ABI2: variants seen among roughly 807,000 people sequenced by gnomAD.
ABI2 encodes abl interactor 2, also known as abelson interactor 2.
Under a neutral mutation model 59.2 loss-of-function variants are expected in ABI2, and 25 were observed. The observed-to-expected ratio is 0.42, with a 90% confidence interval of 0.31 to 0.59. The LOEUF is 0.59. Ranked by LOEUF, ABI2 falls within the 20% of genes least tolerant of loss-of-function variation. The pLI is 0.14. For missense variants in ABI2, 545 were observed against 681.8 expected, an observed-to-expected ratio of 0.80 and a Z score of 2.23; for synonymous variants, 213 against 235.5, an observed-to-expected ratio of 0.90 and a Z score of 0.87.
intron 11 of ABI2, among the ~76,000 whole-genome samples, chr2:203,423,248 TAATATAG>T (rs1218662440): frequency 1.3e-5 from 2 of 152,312 alleles, no homozygotes; most frequent in East Asian, 3.9e-4. Context: ...TGTAACTGAA[TAATATAG>T]AATATAGATG....
At chr2:203,380,474 T>A in intron 3 of ABI2, 90 bp downstream of exon 3, 1 of 839,478 alleles carries the variant, frequency 1.2e-6, no homozygotes. Flanking sequence ...TGTCTTTCTT[T>A]CCTAGAGGAC....
At chr2:203,358,418 G>T (rs1463072548) in intron 1 of ABI2, among the ~76,000 whole-genome samples, 1 of 152,090 alleles carries the variant, frequency 6.6e-6, no homozygotes, top group Admixed American at 6.5e-5. Flanking sequence ...AAAGTGCCAG[G>T]ATTACAGGTG....
intron 1 of ABI2, among the ~76,000 whole-genome samples, chr2:203,342,492 C>A (rs2080543909): frequency 6.6e-6 from 1 of 152,072 alleles, no homozygotes. Context: ...ATATGTAGTA[C>A]CACAAGTTTT....
chr2:203,381,241 G>C (rs917734440), intron 3 of ABI2, among the ~76,000 whole-genome samples: 1 of 152,126 alleles, frequency 6.6e-6, no homozygotes, highest in African/African-American at 2.4e-5. Context: ...TTTGTCTTCA[G>C]GGTTTTGATG....
At chr2:203,332,888 A>G (rs192791418) in intron 1 of ABI2, among the ~76,000 whole-genome samples, 1 of 152,220 alleles carries the variant, frequency 6.6e-6, no homozygotes, top group Non-Finnish European at 1.5e-5. Flanking sequence ...ACATAGATGC[A>G]TAGTAAAATC....
At chr2:203,363,012 G>C (rs569919449) in intron 1 of ABI2, among the ~76,000 whole-genome samples, 3 of 151,914 alleles carry the variant, frequency 2.0e-5, no homozygotes, top group Admixed American at 6.6e-5. Flanking sequence ...CGTATTTTTA[G>C]TAGAGACAGG....
In ABI2 at chr2:203,429,722, A is replaced by G. The variant is rs961708224; in HGVS notation, c.*2370A>G. ...CAGTGAGCCGAGATTGTGCCACTGC[A>G]CTCCAGCCTGGTGACAGAGCGAGAC... is the stretch of plus-strand genomic sequence containing the variant. On this transcript the variant is annotated 3_prime_UTR_variant, in exon 12 of 12. Transcript: ENST00000261018. The G allele has an allele frequency of 6.1e-5, 9 of 147,304 alleles. No homozygotes were observed. The highest frequency in any genetic ancestry group is 4.2e-4 in the Admixed American group (6 of 14,400). 9.1% of individuals were successfully genotyped at this position (147,304 alleles called of 1,614,324 possible).
At chr2:203,336,640 A>G (rs1244910128) in intron 1 of ABI2, among the ~76,000 whole-genome samples, 1 of 152,130 alleles carries the variant, frequency 6.6e-6, no homozygotes, top group African/African-American at 2.4e-5. Context: ...ACAGAGTGTC[A>G]TATCTATGTT....
chr2:203,426,277 A>G (rs559919917), intron 11 of ABI2, among the ~76,000 whole-genome samples: 73 of 152,322 alleles, frequency 4.8e-4, no homozygotes, highest in African/African-American at 1.5e-3. Flanking sequence ...GTGGTATAAA[A>G]TAGGTACAGA....
rs2069951575 is a variant in ABI2, at chr2:203,328,430, C to CTGGG, written c.-84_-83insGGGT. On this transcript the variant is annotated 5_prime_UTR_variant, in exon 1 of 12. Coordinates refer to ENST00000261018, the MANE Select transcript of ABI2 (RefSeq NM_001375670.1). ...ACCGCCGCCGTCGCCGCCGCTCCTC[C>CTGGG]TCTCCCGGTCCTGGGTTTCCTTGGC... The CTGGG allele has an allele frequency of 8.7e-7, 1 of 1,151,606 alleles. No homozygotes were observed. The highest frequency in any genetic ancestry group is 1.3e-6 in the Non-Finnish European group (1 of 799,916). The allele number at this position is 1,151,606 out of a possible 1,614,324, so 71.3% of individuals were successfully genotyped here. A position where few individuals can be genotyped will look rare whatever the true frequency, so the allele number is the denominator to read the frequency against.
rs1219974009 is a variant in ABI2 at position 203,396,914 on chromosome 2, C to G, written c.980C>G (p.Ala327Gly). 2 of 1,526,778 alleles carry G rather than the reference C, an allele frequency of 1.3e-6. No individual in the cohort carries two copies. Among genetic ancestry groups the G allele is most frequent in the East Asian group, 5.0e-5 (2 of 39,738 alleles). The allele number at this position is 1,526,778 out of a possible 1,614,324, so 94.6% of individuals were successfully genotyped here. A position where few individuals can be genotyped will look rare whatever the true frequency, so the allele number is the denominator to read the frequency against. Residue 327 changes from alanine to glycine, a missense_variant, in exon 8 of 12, where the codon GCT becomes GGT. Physicochemically the swap from Ala to Gly is moderately conservative, Grantham distance 60. This residue lies in a region of ABI2 where 410 missense variants were observed against 435.6 expected (regional missense o/e 0.94). Transcript: ENST00000261018. ...GCTGCTGGGGGTGCCCAGACCCTTG[C>G]TGATGGCTTCACTTCTCCAACTCCC... is the stretch of plus-strand genomic sequence containing the variant. ...DAAAGGAQTLADGFTSPTPPV... is the reference protein window; with the variant it reads ...DAAAGGAQTLGDGFTSPTPPV...
Position 203,402,584 on chromosome 2 carries a change from G to A in ABI2, c.1042G>A (p.Val348Ile), listed in dbSNP as rs1421140138. 1.3e-6 allele frequency: 2 copies of A among 1,552,066 alleles called. No individual in the cohort carries two copies. The highest frequency in any genetic ancestry group is 1.3e-5 in the South Asian group (1 of 79,428). Residue 348 changes from valine (V) to isoleucine (I), a missense_variant, in exon 9 of 12, where the codon GTA (valine) becomes ATA (isoleucine). By Grantham distance (29) the Val-to-Ile change is conservative (BLOSUM62 3). Coordinates refer to ENST00000261018, the MANE Select transcript of ABI2 (RefSeq NM_001375670.1). ...TTCTATCTCTTTTTCAGGTCATCCT[G>A]TACAGTTCTACAGCATGAATAGGCC... Reference protein sequence around the residue: ...VSSTPPTGHPVQFYSMNRPAS... With the variant: ...VSSTPPTGHPIQFYSMNRPAS...
intron 9 of ABI2, among the ~76,000 whole-genome samples, chr2:203,410,212 T>C (rs1327777757): frequency 1.3e-5 from 2 of 152,178 alleles, no homozygotes; most frequent in African/African-American, 4.8e-5. Flanking sequence ...GCTACAAATA[T>C]TGTTGGGTTA....
intron 1 of ABI2, among the ~76,000 whole-genome samples, chr2:203,357,782 T>C (rs1373378324): frequency 8.5e-6 from 1 of 117,908 alleles, no homozygotes; most frequent in Non-Finnish European, 1.9e-5. Flanking sequence ...TTTGTTTGTT[T>C]GTTTGAGACA....
At chr2:203,331,102 C>T (rs2073021518) in intron 1 of ABI2, among the ~76,000 whole-genome samples, 1 of 151,998 alleles carries the variant, frequency 6.6e-6, no homozygotes, top group South Asian at 2.1e-4. Context: ...ATATTTTACA[C>T]TTTCTCTTTT....
At chr2:203,334,863 A>ACG (rs2075729863) in intron 1 of ABI2, among the ~76,000 whole-genome samples, 1 of 151,768 alleles carries the variant, frequency 6.6e-6, no homozygotes, top group Non-Finnish European at 1.5e-5. Flanking sequence ...GTTTCACCGT[A>ACG]TTGGCCAGGC....
Position 203,430,083 on chromosome 2 carries a change from TA to T in ABI2, c.*2732del, listed in dbSNP as rs1238986115. 2 of 152,238 alleles carry T rather than the reference TA, an allele frequency of 1.3e-5. No individual in the cohort carries two copies. The highest frequency in any genetic ancestry group is 2.9e-5 in the Non-Finnish European group (2 of 68,044). 9.4% of individuals were successfully genotyped at this position (152,238 alleles called of 1,614,324 possible). ...AATTCTATAGATTGTCTTGGAAGGA[TA>T]CTGTGTGATGGGTCAGGCACACAGT... On this transcript the variant is annotated 3_prime_UTR_variant, in exon 12 of 12. Coordinates refer to ENST00000261018, the MANE Select transcript of ABI2 (RefSeq NM_001375670.1).
intron 1 of ABI2, among the ~76,000 whole-genome samples, chr2:203,333,871 G>A (rs1221511520): frequency 6.6e-5 from 10 of 151,558 alleles, no homozygotes; most frequent in African/African-American, 2.4e-4. Context: ...GAGCTTCCTG[G>A]TTCAAAATTG....
chr2:203,356,650 G>A (rs772390993), intron 1 of ABI2, among the ~76,000 whole-genome samples: 16 of 152,030 alleles, frequency 1.1e-4, no homozygotes, highest in African/African-American at 1.9e-4. Flanking sequence ...GATTGCAGGC[G>A]TTAGCCACCA....
Sources: gnomAD v4.1 joint callset for allele counts (sites outside exome capture counted in the v4.1 genomes callset) on GRCh38, gnomAD v4.1.1 for gene constraint, gnomAD v4.1.1 regional missense constraint, MANE v1.5 for transcripts, NCBI Gene and HGNC (gene_info 2026-07-23, HGNC 2026-07-21) for gene names.